CTNNA3: variants seen among roughly 807,000 people sequenced by gnomAD.
CTNNA3 encodes catenin alpha 3.
CTNNA3 carries 76 observed loss-of-function variants against 95.7 expected under a neutral mutation model. The ratio of observed to expected loss-of-function variants is 0.79; its 90% confidence interval spans 0.66 to 0.96. The LOEUF is 0.96. CTNNA3 is among the 40% of genes least tolerant of loss of function. The pLI is 0.00. For synonymous variants in CTNNA3, 431 were observed against 374.4 expected, an observed-to-expected ratio of 1.15 and a Z score of -1.74; for missense variants, 1,191 against 1,089.8, an observed-to-expected ratio of 1.09 and a Z score of -1.31.
At chr10:66,938,501 G>A (rs906601308) in intron 7 of CTNNA3, among the ~76,000 whole-genome samples, 2 of 152,146 alleles carry the variant, frequency 1.3e-5, no homozygotes, top group East Asian at 1.9e-4. Context: ...TTCATTAAGC[G>A]AAATGGATAA....
chr10:66,920,817 C>A (rs1332194921), intron 7 of CTNNA3, among the ~76,000 whole-genome samples: 1 of 152,192 alleles, frequency 6.6e-6, no homozygotes, highest in African/African-American at 2.4e-5. Flanking sequence ...TTTACTTTCC[C>A]TCTTTATTTC....
Position 67,051,539 on chromosome 10 carries a change from A to C in CTNNA3, c.1047+128778T>G, listed in dbSNP as rs565122299. Among the ~76,000 whole-genome samples, 289 of 150,634 alleles carry C rather than the reference A, an allele frequency of 1.9e-3. 2 individuals are homozygous for C. The highest frequency in any genetic ancestry group is 6.8e-3 in the African/African-American group (278 of 40,908). ...CAGTGGTGCAATCTCGGCTCACTGC[A>C]ACCTCCGCCTTCCAGGTTCAAGCGA... On this transcript the variant is annotated intron_variant, in intron 7 of 17. Transcript: ENST00000433211.
chr10:66,598,792 G>T (rs572932068), intron 10 of CTNNA3, among the ~76,000 whole-genome samples: 1 of 151,994 alleles, frequency 6.6e-6, no homozygotes, highest in South Asian at 2.1e-4. Flanking sequence ...ATGATTGGAA[G>T]AATTAATATT....
intron 7 of CTNNA3, among the ~76,000 whole-genome samples, chr10:66,891,971 T>C (rs750227313): frequency 2.0e-5 from 3 of 152,150 alleles, no homozygotes; most frequent in Non-Finnish European, 2.9e-5. Flanking sequence ...TTGCCAAACA[T>C]GTAACCTTGT....
rs1224760930 is a variant in CTNNA3 at position 66,621,752 on chromosome 10, A to G, written c.1314T>C (p.Asn438=). 6.2e-7 allele frequency: 1 copy of G among 1,612,018 alleles called. No homozygotes were observed. Among genetic ancestry groups the G allele is most frequent in the East Asian group, 2.2e-5 (1 of 44,728 alleles). Residue 438 remains asparagine (N), a synonymous_variant, in exon 10 of 18, where the codon AAT becomes AAC. Transcript: ENST00000433211. ...TTTTGACAATTTTAATTCCATCTTC[A>G]TTTGTTGACATGGAACAAGCAAGAT... The part of the protein sequence containing the change: ...VANLACSMST[N]EDGIKIVKIA...
intron 16 of CTNNA3, among the ~76,000 whole-genome samples, chr10:65,975,983 G>A (rs1365161706): frequency 1.3e-5 from 2 of 152,020 alleles, no homozygotes; most frequent in Non-Finnish European, 2.9e-5. Context: ...TCTACTAATT[G>A]TTTTAATAAT....
At position 67,375,602 on chromosome 10, in the gene CTNNA3, C is replaced by CA. The variant is rs555153216; in HGVS notation, c.579+146239dup. On this transcript the variant is annotated intron_variant, in intron 5 of 17. Coordinates refer to ENST00000433211, the MANE Select transcript of CTNNA3 (RefSeq NM_013266.4). ...TGGGCAATAGAGCAAGACTCTGTCT[C>CA]AAAAAAAAAACAAAAACCTGCAATG... Among the ~76,000 whole-genome samples, 158 of 141,356 alleles carry CA rather than the reference C, an allele frequency of 1.1e-3. 1 individual carries two copies. The highest frequency in any genetic ancestry group is 3.7e-3 in the Middle Eastern group (1 of 272). 92.7% of individuals were successfully genotyped at this position (141,356 alleles called of 152,430 possible).
chr10:67,270,897 A>C (rs1231144875), intron 5 of CTNNA3, among the ~76,000 whole-genome samples: 2 of 152,218 alleles, frequency 1.3e-5, no homozygotes, highest in African/African-American at 2.4e-5. Flanking sequence ...ATATGTAGAA[A>C]TTTGACAATA....
chr10:66,818,460 A>G (rs1842173328), intron 7 of CTNNA3, among the ~76,000 whole-genome samples: 1 of 152,234 alleles, frequency 6.6e-6, no homozygotes, highest in Non-Finnish European at 1.5e-5. Context: ...AATCATCTCT[A>G]TATCTATACA....
chr10:65,950,814 C>T (rs2077597099), intron 17 of CTNNA3, among the ~76,000 whole-genome samples: 3 of 152,194 alleles, frequency 2.0e-5, no homozygotes, highest in African/African-American at 7.2e-5. Context: ...GTACATTTAA[C>T]AGTAGAGACT....
At chr10:66,978,368 A>C (rs1850185456) in intron 7 of CTNNA3, among the ~76,000 whole-genome samples, 1 of 151,316 alleles carries the variant, frequency 6.6e-6, no homozygotes, top group African/African-American at 2.4e-5. Flanking sequence ...TCTACTAAAA[A>C]TACAAAAAAC....
At chr10:67,006,833 G>C (rs958622183) in intron 7 of CTNNA3, among the ~76,000 whole-genome samples, 6 of 151,096 alleles carry the variant, frequency 4.0e-5, no homozygotes, top group African/African-American at 1.5e-4. Context: ...TCACTCTGTT[G>C]CCCAGGCTGG....
intron 9 of CTNNA3, among the ~76,000 whole-genome samples, chr10:66,731,599 T>C (rs1371203429): frequency 2.0e-5 from 3 of 152,204 alleles, no homozygotes; most frequent in African/African-American, 7.2e-5. Context: ...TTCAAATTTA[T>C]ATGAATATTG....
At chr10:66,417,041 A>G (rs1480704693) in intron 11 of CTNNA3, among the ~76,000 whole-genome samples, 1 of 152,184 alleles carries the variant, frequency 6.6e-6, no homozygotes, top group South Asian at 2.1e-4. Context: ...TCACATATCA[A>G]TAATTACTTT....
At chr10:65,941,926 T>C (rs893273873) in intron 17 of CTNNA3, among the ~76,000 whole-genome samples, 3 of 152,218 alleles carry the variant, frequency 2.0e-5, no homozygotes, top group Admixed American at 6.5e-5. Context: ...CTAGAACTGG[T>C]GTTTCTGGCT....
In CTNNA3 at chr10:67,305,010, C is replaced by T. The variant is rs141574219; in HGVS notation, c.580-85140G>A. 8.6e-4 allele frequency among the ~76,000 whole-genome samples: 131 copies of T among 152,222 alleles called. 1 individual carries two copies. The East Asian group carries it at 0.018, about 21-fold the overall frequency. ...TGAGGTATTAGGCTGGGTGCGGTGG[C>T]TCATGCCTGTAATCCCAGCACTTTG... On this transcript the variant is annotated intron_variant, in intron 5 of 17. Transcript: ENST00000433211.
chr10:66,818,025 T>C (rs111920863), intron 7 of CTNNA3, among the ~76,000 whole-genome samples: 31 of 150,398 alleles, frequency 2.1e-4, no homozygotes, highest in African/African-American at 7.1e-4. Flanking sequence ...ATGAATAGAA[T>C]AATGAACCAA....
At chr10:67,424,501 T>C (rs372911825) in intron 5 of CTNNA3, among the ~76,000 whole-genome samples, 70 of 152,106 alleles carry the variant, frequency 4.6e-4, no homozygotes, top group African/African-American at 1.7e-3. Flanking sequence ...ATCAATATGG[T>C]TTCTATAGCA....
intron 6 of CTNNA3, among the ~76,000 whole-genome samples, chr10:67,184,946 A>C (rs530294076): frequency 6.6e-6 from 1 of 152,276 alleles, no homozygotes; most frequent in South Asian, 2.1e-4. Flanking sequence ...TTGGTGGAAA[A>C]AATGTTGAAA....
Sources: gnomAD v4.1 joint callset for allele counts (sites outside exome capture counted in the v4.1 genomes callset) on GRCh38, gnomAD v4.1.1 for gene constraint, MANE v1.5 for transcripts, NCBI Gene and HGNC (gene_info 2026-07-23, HGNC 2026-07-21) for gene names.